Variants in VPS13B observed in about 807,000 individuals in gnomAD.
The protein encoded by VPS13B is intermembrane lipid transfer protein VPS13B.
VPS13B carries 285 observed loss-of-function variants against 426.4 expected under a neutral mutation model. That is an observed-to-expected ratio of 0.67 (90% CI 0.61 to 0.74). VPS13B has a LOEUF of 0.74. VPS13B is among the 30% of genes least tolerant of loss of function. The pLI is 0.00. For missense variants in VPS13B, 4,537 were observed against 4,782.6 expected (o/e 0.95, Z 1.51); for synonymous variants, 1,676 against 1,676.4 (o/e 1.00, Z 0.01).
chr8:99,869,885 C>A (rs1339500022), intron 59 of VPS13B, among the ~76,000 whole-genome samples: 1 of 152,236 alleles, frequency 6.6e-6, no homozygotes, highest in Admixed American at 6.5e-5. Flanking sequence ...TCAGAAAGCA[C>A]ACATGCTGTA....
intron 35 of VPS13B, among the ~76,000 whole-genome samples, chr8:99,695,295 A>C (rs1935153770): frequency 6.7e-6 from 1 of 148,446 alleles, no homozygotes; most frequent in South Asian, 2.1e-4. Context: ...CTTGGAACCA[A>C]CCCAAATGTC....
chr8:99,250,334 A>G (rs1817437234), intron 17 of VPS13B, among the ~76,000 whole-genome samples: 1 of 152,094 alleles, frequency 6.6e-6, no homozygotes, highest in African/African-American at 2.4e-5. Flanking sequence ...TTCTCTTAGC[A>G]GGGTCTTTTG....
rs141793014 is a variant in VPS13B at position 99,871,608 on chromosome 8, G to A, written c.11656G>A (p.Val3886Ile). 7.2e-5 allele frequency: 116 copies of A among 1,614,170 alleles called. No homozygotes were observed. Among genetic ancestry groups the A allele is most frequent in the African/African-American group, 3.3e-4 (25 of 75,058 alleles). The change falls in exon 61 of 62, where the codon GTC becomes ATC. Residue 3886 changes from valine (V) to isoleucine (I), a missense_variant. Val to Ile is a conservative substitution (Grantham distance 29, BLOSUM62 3). Transcript: ENST00000357162. ...SEDTQQQAFPVTEIDCAQDSK... is the reference protein window; with the variant it reads ...SEDTQQQAFPITEIDCAQDSK... Reference sequence around the variant, plus strand: ...GGACACACAGCAGCAGGCCTTCCCCGTCACAGAAATCGACTGTGCACAGGA... The same window carrying A: ...GGACACACAGCAGCAGGCCTTCCCCATCACAGAAATCGACTGTGCACAGGA...
intron 43 of VPS13B, among the ~76,000 whole-genome samples, chr8:99,798,152 G>A (rs1812946747): frequency 6.6e-6 from 1 of 150,604 alleles, no homozygotes; most frequent in Admixed American, 6.7e-5. Context: ...GACTCCATTT[G>A]AGTACCCAGG....
intron 33 of VPS13B, among the ~76,000 whole-genome samples, chr8:99,626,053 C>G (rs984766828): frequency 6.6e-6 from 1 of 152,128 alleles, no homozygotes. Context: ...AATGTAAGAA[C>G]TAAAATTATA....
chr8:99,194,586 A>C (rs966289263), intron 17 of VPS13B, among the ~76,000 whole-genome samples: 9 of 152,186 alleles, frequency 5.9e-5, no homozygotes, highest in African/African-American at 2.2e-4. Flanking sequence ...TGTTGTCTTA[A>C]ACGACAGAAT....
At chr8:99,256,861 G>T (rs1817769548) in intron 17 of VPS13B, among the ~76,000 whole-genome samples, 1 of 151,930 alleles carries the variant, frequency 6.6e-6, no homozygotes, top group African/African-American at 2.4e-5. Context: ...ACTCTAACTT[G>T]CAATTTTCAC....
chr8:99,420,206 T>A (rs1816293709), intron 21 of VPS13B, among the ~76,000 whole-genome samples: 1 of 152,162 alleles, frequency 6.6e-6, no homozygotes, highest in South Asian at 2.1e-4. Context: ...TATCTTGACT[T>A]TTTGATATGA....
At chr8:99,498,666 A>G (rs1191022303) in intron 25 of VPS13B, among the ~76,000 whole-genome samples, 2 of 152,170 alleles carry the variant, frequency 1.3e-5, no homozygotes, top group African/African-American at 2.4e-5. Flanking sequence ...ACTATGAGTA[A>G]TTCTTTTCAT....
intron 12 of VPS13B, among the ~76,000 whole-genome samples, chr8:99,140,368 C>CAAAAAAAAA (rs5893482): frequency 1.3e-5 from 1 of 74,682 alleles, no homozygotes; most frequent in African/African-American, 6.0e-5. Flanking sequence ...AGCTCTGTCT[C>CAAAAAAAAA]AAAAAAAAAA....
chr8:99,182,164 A>G (rs1812977759), intron 16 of VPS13B, among the ~76,000 whole-genome samples: 1 of 152,218 alleles, frequency 6.6e-6, no homozygotes. Flanking sequence ...AACAAATACC[A>G]CTCATCAATA....
intron 58 of VPS13B, among the ~76,000 whole-genome samples, chr8:99,867,362 G>T (rs1013512834): frequency 2.0e-5 from 3 of 152,190 alleles, no homozygotes; most frequent in Admixed American, 6.5e-5. Context: ...CCTTTCATCT[G>T]TAGCTGCCTC....
intron 12 of VPS13B, among the ~76,000 whole-genome samples, chr8:99,138,793 G>A (rs1563562855): frequency 6.6e-6 from 1 of 152,166 alleles, no homozygotes; most frequent in African/African-American, 2.4e-5. Flanking sequence ...AAACTGGTAG[G>A]TTTCCTCTTG....
chr8:99,464,106 C>G (rs1417676452), intron 23 of VPS13B, among the ~76,000 whole-genome samples: 1 of 152,118 alleles, frequency 6.6e-6, no homozygotes, highest in Non-Finnish European at 1.5e-5. Context: ...GTTATACTCA[C>G]AATAGGTGGT....
intron 23 of VPS13B, among the ~76,000 whole-genome samples, chr8:99,453,637 C>T (rs1818307948): frequency 6.6e-6 from 1 of 152,118 alleles, no homozygotes; most frequent in Non-Finnish European, 1.5e-5. Context: ...TTCCCAATCT[C>T]CTCCCTCTCC....
intron 31 of VPS13B, among the ~76,000 whole-genome samples, chr8:99,562,717 T>C (rs536512815): frequency 1.7e-4 from 26 of 152,272 alleles, no homozygotes; most frequent in African/African-American, 6.3e-4. Context: ...TTGTTTATGG[T>C]ATGAGGTAAA....
At chr8:99,657,546 A>G (rs1326658321) in intron 34 of VPS13B, among the ~76,000 whole-genome samples, 2 of 147,518 alleles carry the variant, frequency 1.4e-5, no homozygotes, top group Middle Eastern at 3.4e-3. Flanking sequence ...GTCCTATTTC[A>G]TTGTTTTATT....
At chr8:99,755,776 A>AATAC (rs1374750682) in intron 39 of VPS13B, among the ~76,000 whole-genome samples, 8 of 152,136 alleles carry the variant, frequency 5.3e-5, no homozygotes, top group African/African-American at 1.7e-4. Flanking sequence ...CTCAAAAATA[A>AATAC]ATAAATAAAT....
intron 19 of VPS13B, among the ~76,000 whole-genome samples, chr8:99,281,428 A>T (rs2133018514): frequency 6.6e-6 from 1 of 152,350 alleles, no homozygotes; most frequent in African/African-American, 2.4e-5. Context: ...TCTTATAGTG[A>T]ACAGCCTTGG....
Sources: allele counts gnomAD v4.1 joint callset (sites outside exome capture counted in the v4.1 genomes callset), GRCh38; gene constraint gnomAD v4.1.1; transcripts MANE v1.5; gene names NCBI Gene and HGNC (gene_info 2026-07-23, HGNC 2026-07-21).